ACACB: variants seen among roughly 807,000 people sequenced by gnomAD.
ACACB encodes acetyl-CoA carboxylase beta, also known as acetyl-CoA carboxylase 2.
ACACB carries 209 observed loss-of-function variants against 278.8 expected under a neutral mutation model. That is an observed-to-expected ratio of 0.75 (90% CI 0.67 to 0.84). The LOEUF is 0.84. ACACB is among the 40% of genes least tolerant of loss of function. The pLI, the probability that ACACB is intolerant of heterozygous loss-of-function variation, is 0.00. For synonymous variants in ACACB, 1,174 were observed against 1,285.6 expected (o/e 0.91, Z 1.86); for missense variants, 2,850 against 3,269.0 (o/e 0.87, Z 3.13).
chr12:109,192,470 T>C (rs1388793926), intron 15 of ACACB, among the ~76,000 whole-genome samples: 1 of 151,950 alleles, frequency 6.6e-6, no homozygotes, highest in Non-Finnish European at 1.5e-5. Context: ...CATCATAGGA[T>C]GTTAGCAGCA....
Position 109,222,876 on chromosome 12 carries a change from C to T in ACACB, c.3756C>T (p.Asp1252=). ...AGTCCATTTTCCTGTCTGCCATTGA[C>T]ATGTACGGCCACCAGTTCTGCCCCG... is the stretch of plus-strand genomic sequence containing the variant. The part of the protein sequence containing the change: ...QVESIFLSAI[D]MYGHQFCPEN... Residue 1252 remains aspartate, a synonymous_variant, in exon 26 of 53, where the codon GAC becomes GAT. Coordinates refer to ENST00000338432, the MANE Select transcript of ACACB (RefSeq NM_001093.4). 2.5e-6 allele frequency: 4 copies of T among 1,613,608 alleles called. No homozygotes were observed. In the East Asian group the frequency reaches 8.9e-5, roughly 36 times the overall value.
chr12:109,210,257 G>A (rs201363398), intron 21 of ACACB, among the ~76,000 whole-genome samples: 4 of 55,638 alleles, frequency 7.2e-5, no homozygotes, highest in Admixed American at 1.6e-4. Context: ...ATACACACAT[G>A]TGTGTATATG....
intron 2 of ACACB, among the ~76,000 whole-genome samples, chr12:109,160,862 G>A (rs1024572428): frequency 6.6e-6 from 1 of 152,218 alleles, no homozygotes; most frequent in Admixed American, 6.5e-5. Context: ...CACCAGTTTC[G>A]AAATCAACAT....
chr12:109,261,461 T>C (rs1221240886), intron 48 of ACACB, among the ~76,000 whole-genome samples: 1 of 152,170 alleles, frequency 6.6e-6, no homozygotes, highest in Non-Finnish European at 1.5e-5. Context: ...AATGGAGTCA[T>C]TGCTAACTTT....
Position 109,237,217 on chromosome 12 carries a change from T to C in ACACB, c.4499T>C (p.Leu1500Pro). ...RHLEPALAFQ[L>P]ELNRMRNFDL... ...TTGGAACCTGCCCTGGCCTTCCAGC[T>C]GGAACTTAACCGGATGCGTAACTTC... The change falls in exon 34 of 53, where the codon CTG becomes CCG. Residue 1500 changes from leucine to proline, a missense_variant. This residue lies in a region of ACACB where 2,265 missense variants were observed against 2,561.3 expected (regional missense o/e 0.88). Transcript: ENST00000338432. The C allele has an allele frequency of 6.2e-7, 1 of 1,614,178 alleles. No homozygotes were observed.
chr12:109,222,090 G>A (rs914464907), intron 24 of ACACB, among the ~76,000 whole-genome samples: 2 of 151,366 alleles, frequency 1.3e-5, no homozygotes, highest in Non-Finnish European at 2.9e-5. Context: ...ACAAGGTTTT[G>A]CGCTGTTGCC....
intron 22 of ACACB, among the ~76,000 whole-genome samples, chr12:109,216,127 T>C (rs1237888386): frequency 6.6e-6 from 1 of 150,780 alleles, no homozygotes; most frequent in Non-Finnish European, 1.5e-5. Context: ...TTTGTAGATA[T>C]GGGGTCTTGG....
At chr12:109,251,089 A>G (rs2047082357) in intron 41 of ACACB, among the ~76,000 whole-genome samples, 1 of 152,104 alleles carries the variant, frequency 6.6e-6, no homozygotes, top group South Asian at 2.1e-4. Flanking sequence ...GTGTTCCTAG[A>G]AGAAGGGCAC....
chr12:109,232,748 C>T lies in ACACB; in HGVS notation c.4081C>T (p.Pro1361Ser), dbSNP rs1483685368. The T allele has an allele frequency of 5.6e-6, 9 of 1,614,060 alleles. No individual in the cohort carries two copies. The highest frequency in any genetic ancestry group is 6.8e-6 in the Non-Finnish European group (8 of 1,180,050). Residue 1361 changes from proline (P) to serine (S), a missense_variant, in exon 29 of 53, where the codon CCA (proline) becomes TCA (serine). Around this residue, in one of 3 missense-constraint regions of ACACB, gnomAD observed 2,265 missense variants for 2,561.3 expected, o/e 0.88. Coordinates refer to ENST00000338432, the MANE Select transcript of ACACB (RefSeq NM_001093.4). ...TELFMDSGFS[P>S]LCQRMGAMVA... ...GCTCTTCATGGACAGCGGCTTCTCC[C>T]CACTGTGCCAGCGCATGGGAGCCAT...
chr12:109,215,714 G>A (rs1215606095), intron 22 of ACACB, among the ~76,000 whole-genome samples: 1 of 151,930 alleles, frequency 6.6e-6, no homozygotes, highest in Non-Finnish European at 1.5e-5. Flanking sequence ...GCAGTGAGCC[G>A]AGAATCGTGC....
Position 109,188,163 on chromosome 12 carries a change from G to A in ACACB, c.2144+1G>A, listed in dbSNP as rs761541914. 5.0e-5 allele frequency: 80 copies of A among 1,592,866 alleles called. No homozygotes were observed. Among genetic ancestry groups the A allele is most frequent in the Non-Finnish European group, 5.8e-5 (67 of 1,163,928 alleles). ...GAGAGAACCGGGAAGAGGCCATTTC[G>A]TCAGTATCTCCTTCCTTCCTTCCTT... On this transcript the variant is annotated splice_donor_variant, in intron 13 of 52. Transcript: ENST00000338432. LOFTEE classifies it high-confidence loss of function.
At chr12:109,114,624 G>A (rs1003554635), upstream of ACACB, among the ~76,000 whole-genome samples, 1 of 151,894 alleles carries the variant, frequency 6.6e-6, no homozygotes, top group African/African-American at 2.4e-5. Context: ...CAAGAAGATC[G>A]CTTTAGGCCA....
Position 109,239,989 on chromosome 12 carries a change from T to C in ACACB, c.4818+4T>C. 1 of 1,613,004 alleles carries C rather than the reference T, an allele frequency of 6.2e-7. No homozygotes were observed. Among genetic ancestry groups the C allele is most frequent in the Non-Finnish European group, 8.5e-7 (1 of 1,179,414 alleles). On this transcript the variant is annotated splice_donor_region_variant and intron_variant, in intron 35 of 52. Coordinates refer to ENST00000338432, the MANE Select transcript of ACACB (RefSeq NM_001093.4). ...TGTCATCATGGACCCCTTCAAGGTC[T>C]CGCCTTTGCAGGGGGGCTCTCACCG...
intron 1 of ACACB, 55 bp downstream of exon 1, chr12:109,116,759 A>T (rs1425799551): frequency 1.3e-5 from 2 of 152,196 alleles, no homozygotes; most frequent in Non-Finnish European, 2.9e-5. Flanking sequence ...CGTCCAGGTA[A>T]ATTCGAACCC....
intron 1 of ACACB, among the ~76,000 whole-genome samples, chr12:109,118,054 A>G (rs566678492): frequency 1.3e-5 from 2 of 152,242 alleles, no homozygotes; most frequent in South Asian, 2.1e-4. Context: ...CTGGCCAAAG[A>G]TATCATTTTA....
At position 109,216,920 on chromosome 12, in the gene ACACB, C is replaced by T. The variant is rs1198153672; in HGVS notation, c.3564C>T (p.Ile1188=). 4.3e-6 allele frequency: 7 copies of T among 1,612,766 alleles called. No individual in the cohort carries two copies. The highest frequency in any genetic ancestry group is 1.1e-5 in the South Asian group (1 of 90,966). ...AKKNQLVIML[I]DELCGPDPSL... ...AGAACCAGCTGGTGATCATGTTGAT[C>T]GTAAGCAGGAAGAGGGCCTGTTACT... is the stretch of plus-strand genomic sequence containing the variant. Residue 1188 remains isoleucine (I), a splice_region_variant and synonymous_variant, in exon 24 of 53, where the codon ATC becomes ATT. Transcript: ENST00000338432.
intron 7 of ACACB, among the ~76,000 whole-genome samples, chr12:109,175,058 T>G (rs1225492328): frequency 6.6e-6 from 1 of 152,246 alleles, no homozygotes; most frequent in Non-Finnish European, 1.5e-5. Context: ...CCAATTTATT[T>G]TTTCTAATTT....
intron 21 of ACACB, among the ~76,000 whole-genome samples, chr12:109,210,270 C>CACACATATCTGTGTGTATATGT (rs1565927678): frequency 1.5e-4 from 3 of 19,954 alleles, no homozygotes; most frequent in South Asian, 1.8e-3. Flanking sequence ...TGTATATGTA[C>CACACATATCTGTGTGTATATGT]ATATACACAC....
At chr12:109,208,186 G>T (rs1201865970) in intron 20 of ACACB, among the ~76,000 whole-genome samples, 3 of 151,636 alleles carry the variant, frequency 2.0e-5, no homozygotes, top group African/African-American at 7.3e-5. Flanking sequence ...CCCACGTTAT[G>T]CTGCCTGATG....
Sources: allele counts gnomAD v4.1 joint callset (sites outside exome capture counted in the v4.1 genomes callset), GRCh38; gene constraint gnomAD v4.1.1; regional missense constraint gnomAD v4.1.1; transcripts MANE v1.5; gene names NCBI Gene and HGNC (gene_info 2026-07-23, HGNC 2026-07-21).